KLHDC4: variants seen among roughly 807,000 people sequenced by gnomAD.
The protein encoded by KLHDC4 is kelch domain containing 4.
Under a neutral mutation model 62.4 loss-of-function variants are expected in KLHDC4, and 90 were observed. The observed-to-expected ratio is 1.44, with a 90% CI of 1.22 to 1.72. The LOEUF (loss-of-function observed/expected upper bound fraction) is 1.72. Among genes scored for constraint, KLHDC4 ranks in the 40% most tolerant of loss-of-function variants. The pLI is 0.00. For synonymous variants in KLHDC4, 386 were observed against 284.4 expected, an observed-to-expected ratio of 1.36 and a Z score of -3.59; for missense variants, 1,025 against 699.7, an observed-to-expected ratio of 1.47 and a Z score of -5.25.
At chr16:87,700,248 T>A (rs1200798975) in exon 1 of KLHDC4, 1 of 154,898 alleles carries the variant, frequency 6.5e-6, no homozygotes, top group African/African-American at 2.4e-5. Context: ...GCCTTTGGTC[T>A]TGGAAACTTG....
At chr16:87,744,346 T>C (rs2042701179) in intron 5 of KLHDC4, among the ~76,000 whole-genome samples, 1 of 147,526 alleles carries the variant, frequency 6.8e-6, no homozygotes, top group African/African-American at 2.5e-5. Flanking sequence ...ACCTCTGAGG[T>C]GGAGGTGGCA....
intron 8 of KLHDC4, among the ~76,000 whole-genome samples, chr16:87,712,068 G>A (rs1420877322): frequency 1.4e-5 from 2 of 145,122 alleles, no homozygotes; most frequent in East Asian, 3.9e-4. Flanking sequence ...CTGCAGTGTG[G>A]CCAGCGAGGA....
chr16:87,709,752 T>G (rs1597377312), intron 9 of KLHDC4, 85 bp from the exon 10 acceptor site: 1 of 1,422,928 alleles, frequency 7.0e-7, no homozygotes, highest in Non-Finnish European at 9.3e-7. Flanking sequence ...CAGGCAAGGG[T>G]TTGCGGGGAC....
chr16:87,705,181 G>A (rs1391914416), downstream of KLHDC4, among the ~76,000 whole-genome samples: 2 of 152,194 alleles, frequency 1.3e-5, no homozygotes, highest in African/African-American at 2.4e-5. Flanking sequence ...TCCCAGCCGC[G>A]CCGCGCCAGC....
intron 5 of KLHDC4, among the ~76,000 whole-genome samples, chr16:87,744,979 G>GCA (rs1173340382): frequency 3.4e-5 from 3 of 87,762 alleles, no homozygotes; most frequent in Admixed American, 2.0e-4. Context: ...GCAATCATCT[G>GCA]CACACACGCG....
chr16:87,756,303 G>A, intron 3 of KLHDC4, 96 bp downstream of exon 3: 2 of 895,216 alleles, frequency 2.2e-6, no homozygotes, highest in Non-Finnish European at 1.8e-6. Flanking sequence ...AGGGGTGAAG[G>A]GGCTAACGCA....
intron 2 of KLHDC4, among the ~76,000 whole-genome samples, chr16:87,758,323 G>A (rs563456648): frequency 2.0e-5 from 3 of 152,318 alleles, no homozygotes; most frequent in East Asian, 1.9e-4. Flanking sequence ...GTCTGCAGAT[G>A]AGTGGACAAA....
At chr16:87,698,967 C>G (rs146254840) in exon 1 of KLHDC4, 1 of 152,376 alleles carries the variant, frequency 6.6e-6, no homozygotes, top group East Asian at 1.9e-4. Context: ...CCTGTGCACC[C>G]GAGGCCAGGA....
At chr16:87,739,070 T>C (rs2041839710) in intron 5 of KLHDC4, among the ~76,000 whole-genome samples, 1 of 68,240 alleles carries the variant, frequency 1.5e-5, no homozygotes. Context: ...CAGCACCTCA[T>C]CCATCCACAC....
At chr16:87,761,226 T>A (rs1044761144) in intron 2 of KLHDC4, among the ~76,000 whole-genome samples, 1 of 152,168 alleles carries the variant, frequency 6.6e-6, no homozygotes, top group Non-Finnish European at 1.5e-5. Flanking sequence ...TCCTCCCACC[T>A]CTGGGCAGGT....
chr16:87,724,339 C>A lies in KLHDC4; in HGVS notation c.759+2426G>T, dbSNP rs559182342. 3.2e-4 allele frequency among the ~76,000 whole-genome samples: 48 copies of A among 152,190 alleles called. No homozygotes were observed. The South Asian group carries it at 9.8e-3, about 31-fold the overall frequency. ...AACAAGGTCTTCCTGTATCACAGAC[C>A]GCAATAATCACAAAAGAAAAACGTA... On this transcript the variant is annotated intron_variant, in intron 7 of 11. Coordinates refer to ENST00000270583, the MANE Select transcript of KLHDC4 (RefSeq NM_017566.4).
At chr16:87,727,772 G>C (rs1168329915) in intron 6 of KLHDC4, among the ~76,000 whole-genome samples, 1 of 152,224 alleles carries the variant, frequency 6.6e-6, no homozygotes. Flanking sequence ...GGAAAGCATG[G>C]AAGAGCAAGC....
intron 5 of KLHDC4, among the ~76,000 whole-genome samples, chr16:87,741,295 G>A (rs1184389187): frequency 1.3e-5 from 2 of 152,210 alleles, no homozygotes; most frequent in Non-Finnish European, 2.9e-5. Context: ...AGGCCCAGGC[G>A]CCCTGCTGCC....
intron 2 of KLHDC4, among the ~76,000 whole-genome samples, chr16:87,759,640 G>A (rs1007142288): frequency 1.3e-5 from 2 of 150,864 alleles, no homozygotes; most frequent in Admixed American, 6.6e-5. Context: ...CAGCTACTCC[G>A]GAGGCTGAGG....
At chr16:87,717,223 T>G (rs2037186481) in intron 7 of KLHDC4, among the ~76,000 whole-genome samples, 2 of 152,178 alleles carry the variant, frequency 1.3e-5, no homozygotes, top group African/African-American at 4.8e-5. Flanking sequence ...AGAGTGAGAC[T>G]TCTCAAAAAT....
intron 9 of KLHDC4, chr16:87,710,729 G>C (rs1203174424): frequency 2.0e-5 from 3 of 153,142 alleles, no homozygotes; most frequent in African/African-American, 7.2e-5. Context: ...ACAGCGACCA[G>C]CCCTCCTTGG....
In KLHDC4 at chr16:87,718,359, T is replaced by C. The variant is rs113001587; in HGVS notation, c.760-3786A>G. Reference sequence around the variant, plus strand: ...CCCCTCTCCTCCCCCTCCCCCTCCCTCTCCCTCCACAGTCTCCCTCTCCCT... The same window carrying C: ...CCCCTCTCCTCCCCCTCCCCCTCCCCCTCCCTCCACAGTCTCCCTCTCCCT... On this transcript the variant is annotated intron_variant, in intron 7 of 11. Coordinates refer to ENST00000270583, the MANE Select transcript of KLHDC4 (RefSeq NM_017566.4). Among the ~76,000 whole-genome samples, 96 of 46,280 alleles carry C rather than the reference T, an allele frequency of 2.1e-3. 1 individual carries two copies. The highest frequency in any genetic ancestry group is 3.0e-3 in the Non-Finnish European group (75 of 25,312). The allele number at this position is 46,280 out of a possible 152,430, so 30.4% of individuals were successfully genotyped here. A position where few individuals can be genotyped will look rare whatever the true frequency, so the allele number is the denominator to read the frequency against.
intron 1 of KLHDC4, 34 bp downstream of exon 1, chr16:87,765,758 C>T (rs372334274): frequency 1.4e-4 from 217 of 1,544,170 alleles, no homozygotes; most frequent in Middle Eastern, 1.7e-4. Context: ...ACGGCCGCGA[C>T]GTCGGGCCGC....
chr16:87,765,585 C>G (rs557721511), intron 1 of KLHDC4, among the ~76,000 whole-genome samples: 1 of 152,274 alleles, frequency 6.6e-6, no homozygotes, highest in African/African-American at 2.4e-5. Flanking sequence ...CTCCGAGAAG[C>G]GGACAGACAC....
Sources: gnomAD v4.1 joint callset for allele counts (sites outside exome capture counted in the v4.1 genomes callset) on GRCh38, gnomAD v4.1.1 for gene constraint, MANE v1.5 for transcripts, NCBI Gene and HGNC (gene_info 2026-07-23, HGNC 2026-07-21) for gene names.